ASTN1: variants seen among roughly 807,000 people sequenced by gnomAD.
ASTN1 encodes the protein astrotactin 1.
In ASTN1, 41 loss-of-function variants were observed where a neutral mutation model predicts 140.7. That is an observed-to-expected ratio of 0.29 (90% CI 0.23 to 0.38). The LOEUF (loss-of-function observed/expected upper bound fraction) is 0.38, where lower values mean the gene tolerates loss of function less well. Ranked by LOEUF, ASTN1 falls within the 10% of genes least tolerant of loss-of-function variation. ASTN1 has a pLI of 1.00. For synonymous variants in ASTN1, 640 were observed against 652.2 expected (o/e 0.98, Z 0.29); for missense variants, 1,479 against 1,678.8 (o/e 0.88, Z 2.08).
chr1:177,047,835 G>A (rs1441545626), intron 2 of ASTN1, among the ~76,000 whole-genome samples: 1 of 152,156 alleles, frequency 6.6e-6, no homozygotes, highest in African/African-American at 2.4e-5. Context: ...AAGAATGAAT[G>A]GGAAGACTGA....
intron 16 of ASTN1, among the ~76,000 whole-genome samples, chr1:176,916,838 G>A (rs1422497134): frequency 6.6e-6 from 1 of 152,080 alleles, no homozygotes; most frequent in Non-Finnish European, 1.5e-5. Context: ...GCTCTCAAGG[G>A]ACTTGAAGGT....
At chr1:177,073,922 A>G (rs1678767832) in intron 1 of ASTN1, among the ~76,000 whole-genome samples, 1 of 152,038 alleles carries the variant, frequency 6.6e-6, no homozygotes, top group Non-Finnish European at 1.5e-5. Flanking sequence ...TATTATCATT[A>G]AAGATTAGTG....
chr1:177,141,754 C>T (rs533976706), intron 1 of ASTN1, among the ~76,000 whole-genome samples: 6 of 152,340 alleles, frequency 3.9e-5, no homozygotes, highest in Admixed American at 2.0e-4. Context: ...ATCTCTGTCT[C>T]TTAGCTGGTC....
At chr1:176,944,734 T>A (rs572682858) in intron 13 of ASTN1, among the ~76,000 whole-genome samples, 43 of 152,330 alleles carry the variant, frequency 2.8e-4, no homozygotes, top group Non-Finnish European at 5.6e-4. Flanking sequence ...TGCTTTCCTC[T>A]TTCCCAACTC....
intron 21 of ASTN1, 92 bp from the exon 22 acceptor site, chr1:176,869,119 CAT>C (rs1229838214): frequency 1.9e-5 from 16 of 845,224 alleles, no homozygotes; most frequent in Admixed American, 3.6e-5. Context: ...ATCATATAGA[CAT>C]ATCACATATA....
intron 1 of ASTN1, among the ~76,000 whole-genome samples, chr1:177,093,219 T>C (rs978213461): frequency 6.6e-6 from 1 of 152,190 alleles, no homozygotes; most frequent in South Asian, 2.1e-4. Context: ...CATAATCTAC[T>C]TAGTTGGACT....
chr1:176,935,574 T>C (rs1040804365), intron 15 of ASTN1, among the ~76,000 whole-genome samples: 9 of 152,332 alleles, frequency 5.9e-5, no homozygotes, highest in Admixed American at 4.6e-4. Context: ...CTTTACCCTT[T>C]GTGAGTTTCT....
At chr1:177,139,277 A>T (rs1682348591) in intron 1 of ASTN1, among the ~76,000 whole-genome samples, 1 of 152,240 alleles carries the variant, frequency 6.6e-6, no homozygotes, top group South Asian at 2.1e-4. Flanking sequence ...AAATAATGTA[A>T]GTTAGATAAC....
At chr1:176,945,581 T>C (rs995158851) in intron 13 of ASTN1, among the ~76,000 whole-genome samples, 5 of 152,198 alleles carry the variant, frequency 3.3e-5, no homozygotes, top group African/African-American at 1.2e-4. Context: ...GATGACACTG[T>C]GAAGACTGCT....
Position 176,864,247 on chromosome 1 carries a change from T to C in ASTN1, c.*37A>G. The C allele has an allele frequency of 6.2e-7, 1 of 1,604,608 alleles. No homozygotes were observed. The highest frequency in any genetic ancestry group is 8.5e-7 in the Non-Finnish European group (1 of 1,174,634). On this transcript the variant is annotated 3_prime_UTR_variant, in exon 23 of 23. Coordinates refer to ENST00000361833, the MANE Select transcript of ASTN1 (RefSeq NM_004319.3). ...ACCCAGATGGATCCCTCCTCTTTCC[T>C]ACTTCATTCTGGCAGCAGCTCCCTG...
At chr1:176,940,543 T>G (rs2103101862) in intron 14 of ASTN1, among the ~76,000 whole-genome samples, 1 of 152,346 alleles carries the variant, frequency 6.6e-6, no homozygotes, top group South Asian at 2.1e-4. Flanking sequence ...ATGGGCATAC[T>G]TGAAGCCTTT....
chr1:176,899,778 G>A (rs1347855594), intron 16 of ASTN1, among the ~76,000 whole-genome samples: 1 of 152,072 alleles, frequency 6.6e-6, no homozygotes, highest in Non-Finnish European at 1.5e-5. Flanking sequence ...CAGTCTCTTG[G>A]GATGTACAAT....
chr1:176,916,903 C>G lies in ASTN1; in HGVS notation c.2671+17249G>C, dbSNP rs149583012. ...GCCCTTTGAACCTCTGCCTCCCCGC[C>G]CCGCCCACAACCAGCCTCTCTCCAG... On this transcript the variant is annotated intron_variant, in intron 16 of 22. Transcript: ENST00000361833. Among the ~76,000 whole-genome samples, 498 of 152,262 alleles carry G rather than the reference C, an allele frequency of 3.3e-3. 2 individuals are homozygous for G. Among genetic ancestry groups the G allele is most frequent in the African/African-American group, 0.011 (475 of 41,572 alleles).
At chr1:177,149,037 T>G (rs1682850276) in intron 1 of ASTN1, among the ~76,000 whole-genome samples, 1 of 141,208 alleles carries the variant, frequency 7.1e-6, no homozygotes, top group Admixed American at 7.5e-5. Context: ...TATATATATA[T>G]AGTAAATATA....
At chr1:176,910,396 C>T (rs1251414703) in intron 16 of ASTN1, among the ~76,000 whole-genome samples, 1 of 152,178 alleles carries the variant, frequency 6.6e-6, no homozygotes, top group Non-Finnish European at 1.5e-5. Flanking sequence ...AAGACCCTAA[C>T]AAACCCCACT....
chr1:176,871,804 A>G (rs753395493), intron 21 of ASTN1, among the ~76,000 whole-genome samples: 2 of 152,224 alleles, frequency 1.3e-5, no homozygotes, highest in Non-Finnish European at 2.9e-5. Flanking sequence ...AGGTATTTTT[A>G]GTTATAATTT....
Position 177,017,533 on chromosome 1 carries a change from A to C in ASTN1, c.1439-2658T>G, listed in dbSNP as rs528682506. ...CTCCGACTGTTAGCTGTGAATTTTA[A>C]AGACCCCACAAGGGTGTTGGATGCC... On this transcript the variant is annotated intron_variant, in intron 7 of 22. Coordinates refer to ENST00000361833, the MANE Select transcript of ASTN1 (RefSeq NM_004319.3). Among the ~76,000 whole-genome samples the C allele has an allele frequency of 6.6e-5, 10 of 152,328 alleles. No homozygotes were observed. The South Asian group carries it at 2.1e-3, about 32-fold the overall frequency.
At chr1:177,031,237 G>C (rs2205891) in intron 3 of ASTN1, among the ~76,000 whole-genome samples, 4,976 of 152,246 alleles carry the variant, frequency 0.033, 275 homozygotes, top group African/African-American at 0.11. Context: ...GTCAGCACTT[G>C]TAACCCTTTG....
At chr1:177,123,212 G>A (rs779348424) in intron 1 of ASTN1, among the ~76,000 whole-genome samples, 5 of 152,116 alleles carry the variant, frequency 3.3e-5, no homozygotes, top group Non-Finnish European at 5.9e-5. Flanking sequence ...GTGGTCCCAC[G>A]CAAACCCTCT....
Sources: gnomAD v4.1 joint callset for allele counts (sites outside exome capture counted in the v4.1 genomes callset) on GRCh38, gnomAD v4.1.1 for gene constraint, MANE v1.5 for transcripts, NCBI Gene and HGNC (gene_info 2026-07-23, HGNC 2026-07-21) for gene names.